TWSG1: variants seen among roughly 807,000 people sequenced by gnomAD.
The protein encoded by TWSG1 is twisted gastrulation protein homolog 1.
In TWSG1, 15 loss-of-function variants were observed where a neutral mutation model predicts 23.0. The observed-to-expected ratio is 0.65, with a 90% CI of 0.44 to 1.00. TWSG1 has a LOEUF of 1.00. Ranked by LOEUF, TWSG1 falls within the 50% of genes least tolerant of loss-of-function variation. The pLI is 0.00. For synonymous variants in TWSG1, 86 were observed against 92.8 expected (o/e 0.93, Z 0.42); for missense variants, 242 against 278.7 (o/e 0.87, Z 0.94).
chr18:9,392,315 C>A (rs898986775), intron 3 of TWSG1, among the ~76,000 whole-genome samples: 1 of 152,238 alleles, frequency 6.6e-6, no homozygotes, highest in African/African-American at 2.4e-5. Flanking sequence ...GTTTATACAT[C>A]AGCACTTGCT....
At chr18:9,349,838 C>T (rs2040493576) in intron 2 of TWSG1, among the ~76,000 whole-genome samples, 1 of 152,110 alleles carries the variant, frequency 6.6e-6, no homozygotes. Flanking sequence ...CATTTTCCTG[C>T]TCTTAAAAGT....
intron 2 of TWSG1, among the ~76,000 whole-genome samples, chr18:9,339,633 A>T (rs916549014): frequency 2.0e-5 from 3 of 151,992 alleles, no homozygotes; most frequent in African/African-American, 4.8e-5. Flanking sequence ...AAAAAAATTT[A>T]AAAAATTACA....
intron 2 of TWSG1, among the ~76,000 whole-genome samples, chr18:9,353,993 A>T (rs1253514957): frequency 6.6e-6 from 1 of 152,260 alleles, no homozygotes; most frequent in African/African-American, 2.4e-5. Flanking sequence ...AGTGAAAGAT[A>T]TAATAATGCC....
At chr18:9,383,204 T>G (rs1289895700) in intron 3 of TWSG1, among the ~76,000 whole-genome samples, 7 of 148,356 alleles carry the variant, frequency 4.7e-5, no homozygotes, top group East Asian at 2.0e-4. Context: ...GTTTTTTTTT[T>G]TTTTTTTTGA....
intron 3 of TWSG1, among the ~76,000 whole-genome samples, chr18:9,369,208 A>G (rs896276020): frequency 6.6e-6 from 1 of 152,216 alleles, no homozygotes; most frequent in Non-Finnish European, 1.5e-5. Flanking sequence ...GAATTTTTAC[A>G]TATACAGCAT....
At chr18:9,367,477 A>G (rs2040585301) in intron 3 of TWSG1, among the ~76,000 whole-genome samples, 1 of 152,018 alleles carries the variant, frequency 6.6e-6, no homozygotes, top group South Asian at 2.1e-4. Flanking sequence ...ACTTAACATG[A>G]TGTCCTCCAG....
chr18:9,352,299 G>T (rs1007201140), intron 2 of TWSG1, among the ~76,000 whole-genome samples: 1 of 152,160 alleles, frequency 6.6e-6, no homozygotes, highest in Non-Finnish European at 1.5e-5. Flanking sequence ...ATTCCTTTGT[G>T]TGGATGTACT....
intron 2 of TWSG1, among the ~76,000 whole-genome samples, chr18:9,346,163 C>T (rs2040476662): frequency 6.6e-6 from 1 of 152,160 alleles, no homozygotes; most frequent in South Asian, 2.1e-4. Flanking sequence ...TCCCCCCAGT[C>T]CCCTAGTAAC....
At chr18:9,390,019 G>A (rs910158680) in intron 3 of TWSG1, among the ~76,000 whole-genome samples, 13 of 152,164 alleles carry the variant, frequency 8.5e-5, no homozygotes, top group African/African-American at 1.2e-4. Context: ...ATACTTTATT[G>A]TTAAAAAATG....
chr18:9,338,147 C>T (rs1215755291), intron 2 of TWSG1, among the ~76,000 whole-genome samples: 2 of 152,190 alleles, frequency 1.3e-5, no homozygotes, highest in African/African-American at 4.8e-5. Context: ...GCTAACATGA[C>T]TGTAACCCTC....
At chr18:9,335,171 C>T (rs1257167167) in intron 1 of TWSG1, among the ~76,000 whole-genome samples, 1 of 152,116 alleles carries the variant, frequency 6.6e-6, no homozygotes, top group Non-Finnish European at 1.5e-5. Context: ...CCGCGTCCTC[C>T]GCAGCCCGCG....
chr18:9,394,858 A>G (rs868700291), intron 3 of TWSG1, among the ~76,000 whole-genome samples: 2 of 152,164 alleles, frequency 1.3e-5, no homozygotes, highest in African/African-American at 4.8e-5. Flanking sequence ...TCCCATTACC[A>G]CTAAACACTC....
chr18:9,395,366 A>G (rs2040729877), intron 3 of TWSG1, among the ~76,000 whole-genome samples: 1 of 152,200 alleles, frequency 6.6e-6, no homozygotes, highest in South Asian at 2.1e-4. Context: ...ACATCAGTAT[A>G]TTCTTATCTA....
intron 3 of TWSG1, chr18:9,388,288 T>A (rs1405467339): frequency 6.6e-6 from 1 of 152,256 alleles, no homozygotes; most frequent in African/African-American, 2.4e-5. Context: ...TTTCACTGTT[T>A]TATGAAGTTC....
At chr18:9,389,069 C>T (rs1346467163) in intron 3 of TWSG1, among the ~76,000 whole-genome samples, 1 of 151,722 alleles carries the variant, frequency 6.6e-6, no homozygotes, top group East Asian at 1.9e-4. Context: ...CTCCACCTCC[C>T]GGGTTCAAGC....
At chr18:9,360,937 A>T (rs1039258469) in intron 3 of TWSG1, among the ~76,000 whole-genome samples, 6 of 152,174 alleles carry the variant, frequency 3.9e-5, no homozygotes, top group African/African-American at 1.4e-4. Flanking sequence ...AGAAACTATC[A>T]GTTGACTTCC....
At chr18:9,377,964 C>A (rs2040638842) in intron 3 of TWSG1, among the ~76,000 whole-genome samples, 2 of 152,202 alleles carry the variant, frequency 1.3e-5, no homozygotes, top group African/African-American at 4.8e-5. Flanking sequence ...AGTGATCCAC[C>A]CGCCTCGGCC....
chr18:9,362,065 A>G (rs1356568979), intron 3 of TWSG1, among the ~76,000 whole-genome samples: 1 of 152,206 alleles, frequency 6.6e-6, no homozygotes, highest in Non-Finnish European at 1.5e-5. Context: ...GGGCAGAAGT[A>G]TCTTTTCCTC....
chr18:9,346,124 C>G (rs2040476428), intron 2 of TWSG1, among the ~76,000 whole-genome samples: 1 of 152,156 alleles, frequency 6.6e-6, no homozygotes, highest in African/African-American at 2.4e-5. Flanking sequence ...TAAAAATCCC[C>G]ATAGCCAACC....
Sources: gnomAD v4.1 joint callset for allele counts (sites outside exome capture counted in the v4.1 genomes callset) on GRCh38, gnomAD v4.1.1 for gene constraint, MANE v1.5 for transcripts, NCBI Gene and HGNC (gene_info 2026-07-23, HGNC 2026-07-21) for gene names.